Variants in UBR3 observed in about 807,000 individuals in gnomAD.
UBR3 encodes the protein ubiquitin protein ligase E3 component n-recognin 3.
In UBR3, 85 loss-of-function variants were observed where a neutral mutation model predicts 243.2. The observed-to-expected ratio is 0.35, with a 90% CI of 0.29 to 0.42. The LOEUF is 0.42. Ranked by LOEUF, UBR3 falls within the 10% of genes least tolerant of loss-of-function variation. UBR3 has a pLI of 1.00. For synonymous variants in UBR3, 748 were observed against 799.8 expected (o/e 0.94, Z 1.09); for missense variants, 1,686 against 2,300.8 (o/e 0.73, Z 5.47).
chr2:169,964,977 AAAG>A (rs2105371612), intron 24 of UBR3: 1 of 456,724 alleles, frequency 2.2e-6, no homozygotes, highest in East Asian at 7.0e-5. Flanking sequence ...GTGAGGCAAT[AAAG>A]ATTTACGGGC....
At chr2:169,851,109 C>T (rs78222787) in intron 1 of UBR3, among the ~76,000 whole-genome samples, 8,691 of 152,042 alleles carry the variant, frequency 0.057, 463 homozygotes, top group African/African-American at 0.14. Flanking sequence ...TAACGTCTAC[C>T]ACCTTGCTAA....
intron 35 of UBR3, among the ~76,000 whole-genome samples, chr2:170,061,892 A>C (rs1574467802): frequency 6.6e-6 from 1 of 152,310 alleles, no homozygotes; most frequent in East Asian, 1.9e-4. Context: ...GATATTTACT[A>C]TTTTTGTTGT....
chr2:169,847,569 G>A (rs2082524129), intron 1 of UBR3, among the ~76,000 whole-genome samples: 2 of 151,980 alleles, frequency 1.3e-5, no homozygotes, highest in Admixed American at 6.6e-5. Context: ...TTTATTTACA[G>A]TCAACAATTT....
chr2:169,862,744 G>A (rs1050523378), intron 1 of UBR3, among the ~76,000 whole-genome samples: 11 of 152,022 alleles, frequency 7.2e-5, no homozygotes, highest in Non-Finnish European at 1.5e-4. Flanking sequence ...TGCCTTTTAT[G>A]TCATTTTGGG....
At position 170,008,882 on chromosome 2, in the gene UBR3, T is replaced by C; in HGVS notation, c.4309T>C (p.Tyr1437His). The change falls in exon 29 of 39, where the codon TAT (tyrosine) becomes CAT (histidine). Residue 1437 changes from tyrosine to histidine, a missense_variant. Transcript: ENST00000272793. ...KNTTQKKYRD[Y>H]SKTPGSPDND... ...TACCACTCAGAAGAAATATAGAGACTATAGCAAGACCCCGGGCTCACCAGA... is the reference window on the plus strand; with the variant it reads ...TACCACTCAGAAGAAATATAGAGACCATAGCAAGACCCCGGGCTCACCAGA... 1 of 1,596,328 alleles carries C rather than the reference T, an allele frequency of 6.3e-7. No individual in the cohort carries two copies. The highest frequency in any genetic ancestry group is 8.5e-7 in the Non-Finnish European group (1 of 1,170,086).
rs1407347469 is a variant in UBR3, at chr2:169,890,561, A to ATG, written c.1039-603_1039-602insGT. On this transcript the variant is annotated intron_variant, in intron 5 of 38. Coordinates refer to ENST00000272793, the MANE Select transcript of UBR3 (RefSeq NM_172070.4). ...GAGAGATATATATATATATATATAT[A>ATG]TATGTGTATATATATATATGTATAT... Among the ~76,000 whole-genome samples the ATG allele has an allele frequency of 1.5e-3, 159 of 104,668 alleles. 13 individuals are homozygous for ATG. Among genetic ancestry groups the ATG allele is most frequent in the African/African-American group, 5.9e-3 (152 of 25,594 alleles). 68.7% of individuals were successfully genotyped at this position (104,668 alleles called of 152,430 possible).
At chr2:169,855,700 A>AG (rs1384673179) in intron 1 of UBR3, among the ~76,000 whole-genome samples, 1 of 152,266 alleles carries the variant, frequency 6.6e-6, no homozygotes, top group African/African-American at 2.4e-5. Flanking sequence ...CCAAGGCAGA[A>AG]GAATTTTTCT....
At chr2:170,043,923 G>T (rs1362301597) in intron 32 of UBR3, among the ~76,000 whole-genome samples, 1 of 152,124 alleles carries the variant, frequency 6.6e-6, no homozygotes, top group African/African-American at 2.4e-5. Context: ...TTGTGGTGAT[G>T]AATTCCTCTT....
At chr2:170,073,239 G>T (rs1036039201) in intron 35 of UBR3, among the ~76,000 whole-genome samples, 189 bp from the exon 36 acceptor site, 1 of 151,958 alleles carries the variant, frequency 6.6e-6, no homozygotes, top group Non-Finnish European at 1.5e-5. Context: ...TGTATTTTGG[G>T]GATATTTAGA....
At chr2:170,081,063 A>AG (rs2091896641) in intron 38 of UBR3, among the ~76,000 whole-genome samples, 1 of 152,086 alleles carries the variant, frequency 6.6e-6, no homozygotes. Context: ...TGTGGTGGTC[A>AG]TACACCTGTG....
chr2:170,076,675 A>G (rs546532898), intron 36 of UBR3, among the ~76,000 whole-genome samples: 20 of 152,342 alleles, frequency 1.3e-4, no homozygotes, highest in African/African-American at 3.8e-4. Context: ...TCAAATATAT[A>G]TGACTTTCTT....
rs776661571 is a variant in UBR3 at position 170,029,351 on chromosome 2, C to T, written c.4459C>T (p.Leu1487=). ...CTTTTCTTCAATTTTTTCAGATCAGCTGTTTCATGTATTAGCCTTGCACAT... is the reference window on the plus strand; with the variant it reads ...CTTTTCTTCAATTTTTTCAGATCAGTTGTTTCATGTATTAGCCTTGCACAT... ...TAGKRSCLNQ[L]FHVLALHMRL... is the part of the protein sequence containing the mutation. Residue 1487 remains leucine (L), a synonymous_variant, in exon 31 of 39, where the codon CTG becomes TTG. Transcript: ENST00000272793. 4 of 1,599,204 alleles carry T rather than the reference C, an allele frequency of 2.5e-6. No homozygotes were observed. In the South Asian group the frequency reaches 4.6e-5, roughly 18 times the overall value.
intron 1 of UBR3, among the ~76,000 whole-genome samples, chr2:169,833,290 AAACATTT>A (rs1433393951): frequency 5.3e-5 from 8 of 152,222 alleles, no homozygotes; most frequent in African/African-American, 1.9e-4. Flanking sequence ...CTGGGATTTT[AAACATTT>A]AGTTCTCAAA....
chr2:169,999,878 C>G (rs1430681693), intron 26 of UBR3, among the ~76,000 whole-genome samples: 1 of 152,092 alleles, frequency 6.6e-6, no homozygotes, highest in Admixed American at 6.5e-5. Context: ...AATCCCAGCA[C>G]TTTGGGAGGC....
chr2:169,841,735 G>A (rs1334439185), intron 1 of UBR3, among the ~76,000 whole-genome samples: 11 of 152,370 alleles, frequency 7.2e-5, no homozygotes, highest in Admixed American at 2.6e-4. Flanking sequence ...CCGGCGCTGT[G>A]CTCGATTTCT....
At chr2:170,077,281 A>G in intron 36 of UBR3, 2 of 748,326 alleles carry the variant, frequency 2.7e-6, no homozygotes, top group South Asian at 1.3e-5. Flanking sequence ...TGGTAACCAC[A>G]GCCTATTTTC....
At chr2:169,876,800 G>A (rs1288571721) in intron 3 of UBR3, among the ~76,000 whole-genome samples, 2 of 152,084 alleles carry the variant, frequency 1.3e-5, no homozygotes, top group African/African-American at 2.4e-5. Context: ...CTGACCTCGG[G>A]TGATCTGCCA....
rs533877593 is a variant in UBR3 at position 169,973,300 on chromosome 2, T to A, written c.3635-13345T>A. On this transcript the variant is annotated intron_variant, in intron 24 of 38. Coordinates refer to ENST00000272793, the MANE Select transcript of UBR3 (RefSeq NM_172070.4). ...CAAATGGAAGAACATTCCATGCTCA[T>A]GGGTAGGAAGAATCAGTATTGTGAA... Among the ~76,000 whole-genome samples the A allele has an allele frequency of 6.6e-3, 949 of 144,212 alleles. 6 individuals are homozygous for A. Among genetic ancestry groups the A allele is most frequent in the African/African-American group, 0.023 (889 of 38,612 alleles). The allele number at this position is 144,212 out of a possible 152,430, so 94.6% of individuals were successfully genotyped here. A position where few individuals can be genotyped will look rare whatever the true frequency, so the allele number is the denominator to read the frequency against.
chr2:170,053,442 G>A (rs999680239), intron 32 of UBR3, among the ~76,000 whole-genome samples: 1 of 152,204 alleles, frequency 6.6e-6, no homozygotes, highest in Non-Finnish European at 1.5e-5. Flanking sequence ...TGGTTCTACT[G>A]GAAGAAGACT....
Sources: allele counts gnomAD v4.1 joint callset (sites outside exome capture counted in the v4.1 genomes callset), GRCh38; gene constraint gnomAD v4.1.1; transcripts MANE v1.5; gene names NCBI Gene and HGNC (gene_info 2026-07-23, HGNC 2026-07-21).